Variants in GPBP1 observed in about 807,000 individuals in gnomAD.
The protein encoded by GPBP1 is GC-rich promoter binding protein 1.
In GPBP1, 13 loss-of-function variants were observed where a neutral mutation model predicts 56.5. The observed-to-expected ratio is 0.23, with a 90% confidence interval of 0.15 to 0.37. The LOEUF (loss-of-function observed/expected upper bound fraction) is 0.37, where lower values mean the gene tolerates loss of function less well. Ranked by LOEUF, GPBP1 falls within the 10% of genes least tolerant of loss-of-function variation. The probability of loss-of-function intolerance (pLI) is 1.00; values close to 1 mark genes in which losing one functional copy is unlikely to be tolerated. For synonymous variants in GPBP1, 204 were observed against 188.9 expected (o/e 1.08, Z -0.66); for missense variants, 477 against 572.3 (o/e 0.83, Z 1.70).
chr5:57,251,505 C>T (rs1378901267), intron 10 of GPBP1, among the ~76,000 whole-genome samples: 1 of 150,812 alleles, frequency 6.6e-6, no homozygotes, highest in Non-Finnish European at 1.5e-5. Flanking sequence ...CTTTTTATTG[C>T]TGAATAGTAC....
intron 2 of GPBP1, among the ~76,000 whole-genome samples, chr5:57,180,206 C>T (rs1212929376): frequency 6.6e-6 from 1 of 152,162 alleles, no homozygotes; most frequent in African/African-American, 2.4e-5. Flanking sequence ...CATCCGCATC[C>T]CGGGTTCAAG....
At chr5:57,224,842 C>A (rs970430044) in intron 3 of GPBP1, among the ~76,000 whole-genome samples, 2 of 151,594 alleles carry the variant, frequency 1.3e-5, no homozygotes, top group Non-Finnish European at 2.9e-5. Context: ...CTAAATAATT[C>A]TAACTTATTA....
At chr5:57,260,217 TCTTCAGTTAGGGCACTAA>T (rs1741830195) in intron 10 of GPBP1, among the ~76,000 whole-genome samples, 2 of 152,332 alleles carry the variant, frequency 1.3e-5, no homozygotes, top group South Asian at 4.1e-4. Context: ...TCGTCAGTCC[TCTTCAGTTAGGGCACTAA>T]CAAGATTAAT....
chr5:57,223,833 T>C (rs1756060065), intron 3 of GPBP1, among the ~76,000 whole-genome samples: 1 of 150,252 alleles, frequency 6.7e-6, no homozygotes, highest in South Asian at 2.1e-4. Context: ...ATTTGTTTAT[T>C]TTATTTTATT....
chr5:57,214,012 A>T (rs1451263574), intron 2 of GPBP1, 62 bp from the exon 3 acceptor site: 1 of 730,394 alleles, frequency 1.4e-6, no homozygotes, highest in Non-Finnish European at 2.5e-6. Flanking sequence ...TCATTGTAAT[A>T]TAAAGGCGCT....
rs976613589 is a variant in GPBP1 at position 57,176,166 on chromosome 5, A to C, written c.-292A>C. 1 of 395,328 alleles carries C rather than the reference A, an allele frequency of 2.5e-6. No individual in the cohort carries two copies. The highest frequency in any genetic ancestry group is 2.1e-5 in the African/African-American group (1 of 48,594). The allele number at this position is 395,328 out of a possible 1,614,324, so 24.5% of individuals were successfully genotyped here. A position where few individuals can be genotyped will look rare whatever the true frequency, so the allele number is the denominator to read the frequency against. Reference sequence around the variant, plus strand: ...TGGCAAGTACATGGAATAATAAAGAAGACTTTGATCTTAAATCTAAAGAAC... The same window carrying C: ...TGGCAAGTACATGGAATAATAAAGACGACTTTGATCTTAAATCTAAAGAAC... On this transcript the variant is annotated 5_prime_UTR_variant, in exon 2 of 12. Coordinates refer to ENST00000506184, the MANE Select transcript of GPBP1 (RefSeq NM_022913.4).
At chr5:57,191,571 T>G (rs1002517249) in intron 2 of GPBP1, among the ~76,000 whole-genome samples, 3 of 151,918 alleles carry the variant, frequency 2.0e-5, no homozygotes, top group Admixed American at 2.0e-4. Flanking sequence ...TTTTTTTTTT[T>G]TGTTTGTTTG....
rs551084138 is a variant in GPBP1, at chr5:57,197,309, C to T, written c.-57-16765C>T. ...TATTTCCATGCTCAGAGCAGGAACTCTCCTCAAGCAGTCCCTAGGCTTCCC... is the reference window on the plus strand; with the variant it reads ...TATTTCCATGCTCAGAGCAGGAACTTTCCTCAAGCAGTCCCTAGGCTTCCC... On this transcript the variant is annotated intron_variant, in intron 2 of 11. Transcript: ENST00000506184. 2.0e-5 allele frequency among the ~76,000 whole-genome samples: 3 copies of T among 151,656 alleles called. No individual in the cohort carries two copies. In the South Asian group the frequency reaches 6.2e-4, roughly 32 times the overall value.
chr5:57,241,954 T>A (rs1242306992), intron 6 of GPBP1, among the ~76,000 whole-genome samples: 1 of 152,224 alleles, frequency 6.6e-6, no homozygotes, highest in African/African-American at 2.4e-5. Context: ...AGCCAATTTT[T>A]AAATAATATA....
intron 10 of GPBP1, among the ~76,000 whole-genome samples, chr5:57,252,708 A>C (rs1429282131): frequency 1.3e-5 from 2 of 150,108 alleles, no homozygotes; most frequent in Non-Finnish European, 3.0e-5. Context: ...TTTAGTTTTT[A>C]TTGTAAATTT....
intron 2 of GPBP1, among the ~76,000 whole-genome samples, chr5:57,201,310 C>A (rs1403692758): frequency 6.6e-6 from 1 of 151,942 alleles, no homozygotes; most frequent in Non-Finnish European, 1.5e-5. Context: ...TTTCCCAGTA[C>A]AGAAAGACTT....
intron 10 of GPBP1, among the ~76,000 whole-genome samples, chr5:57,252,125 A>ACCCCCC (rs1741420728): frequency 1.7e-5 from 1 of 57,534 alleles, no homozygotes; most frequent in Admixed American, 1.7e-4. Context: ...ATCACCTCCC[A>ACCCCCC]CCCACCCCCA....
At chr5:57,251,702 C>A (rs1741402171) in intron 10 of GPBP1, among the ~76,000 whole-genome samples, 1 of 151,602 alleles carries the variant, frequency 6.6e-6, no homozygotes, top group African/African-American at 2.4e-5. Context: ...TGGATAGATA[C>A]CTAGGAGTTG....
intron 10 of GPBP1, among the ~76,000 whole-genome samples, chr5:57,259,841 AAC>A (rs776302893): frequency 2.2e-4 from 33 of 151,674 alleles, no homozygotes; most frequent in Non-Finnish European, 4.6e-4. Flanking sequence ...TCCTTCTCAA[AAC>A]ACTCTCATAA....
At chr5:57,208,561 G>A (rs762570094) in intron 2 of GPBP1, among the ~76,000 whole-genome samples, 17 of 151,760 alleles carry the variant, frequency 1.1e-4, no homozygotes, top group Non-Finnish European at 1.9e-4. Context: ...TAGAGATTAC[G>A]TTGAATCTGT....
At chr5:57,175,231 C>T (rs536973529) in intron 1 of GPBP1, among the ~76,000 whole-genome samples, 15 of 152,284 alleles carry the variant, frequency 9.9e-5, no homozygotes, top group African/African-American at 3.6e-4. Context: ...CTCCATAATA[C>T]CGTCACCTAC....
rs1196783074 is a variant in GPBP1, at chr5:57,231,171, A to C, written c.261A>C (p.Arg87=). Residue 87 remains arginine (R), a synonymous_variant, in exon 5 of 12, where the codon CGA becomes CGC. Transcript: ENST00000506184. ...GRNGTENINH[R]GGYHGGSSRS... is the part of the protein sequence containing the mutation. Reference sequence around the variant, plus strand: ...ATGGTACAGAAAACATAAATCATCGAGGTGGATACCATGGTGGAAGTTCCC... The same window carrying C: ...ATGGTACAGAAAACATAAATCATCGCGGTGGATACCATGGTGGAAGTTCCC... 1 of 1,614,088 alleles carries C rather than the reference A, an allele frequency of 6.2e-7. No individual in the cohort carries two copies. The highest frequency in any genetic ancestry group is 1.3e-5 in the African/African-American group (1 of 74,942).
chr5:57,193,949 C>T (rs1479337634), intron 2 of GPBP1, among the ~76,000 whole-genome samples: 1 of 152,126 alleles, frequency 6.6e-6, no homozygotes, highest in African/African-American at 2.4e-5. Flanking sequence ...CTTAGCAGTT[C>T]CCCTCTGCGG....
chr5:57,261,009 T>C (rs756897243), intron 10 of GPBP1, among the ~76,000 whole-genome samples, 171 bp from the exon 11 acceptor site: 22 of 152,322 alleles, frequency 1.4e-4, no homozygotes, highest in Middle Eastern at 3.4e-3. Flanking sequence ...CTTACCTGTT[T>C]ATTCATTTTC....
Sources: allele counts gnomAD v4.1 joint callset (sites outside exome capture counted in the v4.1 genomes callset), GRCh38; gene constraint gnomAD v4.1.1; transcripts MANE v1.5; gene names NCBI Gene and HGNC (gene_info 2026-07-23, HGNC 2026-07-21).